The following PHF3 variants were observed in gnomAD, a reference collection of about 807,000 sequenced individuals.
PHF3 encodes PHD finger protein 3.
In PHF3, 41 loss-of-function variants were observed where a neutral mutation model predicts 178.4. That is an observed-to-expected ratio of 0.23 (90% CI 0.18 to 0.30). PHF3 has a LOEUF of 0.30. PHF3 is among the 10% of genes least tolerant of loss of function. The pLI is 1.00. For missense variants in PHF3, 2,346 were observed against 2,398.1 expected, an observed-to-expected ratio of 0.98 and a Z score of 0.45; for synonymous variants, 842 against 800.5, an observed-to-expected ratio of 1.05 and a Z score of -0.88.
intron 3 of PHF3, 129 bp from the exon 4 acceptor site, chr6:63,684,000 T>C (rs940354457): frequency 9.5e-6 from 6 of 631,710 alleles, no homozygotes; most frequent in South Asian, 2.2e-5. Context: ...TTATGAGTAC[T>C]GTTCAATACA....
At position 63,669,903 on chromosome 6, in the gene PHF3, A is replaced by G. The variant is rs191945767; in HGVS notation, c.245-10097A>G. 4.6e-5 allele frequency among the ~76,000 whole-genome samples: 7 copies of G among 152,276 alleles called. No homozygotes were observed. In the East Asian group the frequency reaches 9.6e-4, roughly 21 times the overall value. ...ATTAAGTTATGACCTTTACCTAGGT[A>G]TGTTTATCAGAATTGTGTTTTCCAA... On this transcript the variant is annotated intron_variant, in intron 2 of 15. Transcript: ENST00000262043.
In PHF3 at chr6:63,719,810, T is replaced by C. The variant is rs1436240737; in HGVS notation, c.*6102T>C. 3.3e-5 allele frequency among the ~76,000 whole-genome samples: 5 copies of C among 152,074 alleles called. No individual in the cohort carries two copies. Among genetic ancestry groups the C allele is most frequent in the African/African-American group, 1.2e-4 (5 of 41,434 alleles). On this transcript the variant is annotated 3_prime_UTR_variant, in exon 16 of 16. Transcript: ENST00000262043. ...TACATGGTTTTAAAAAGTCAAATAG[T>C]TCTACAAGGTTCATAAGCAAAAAGC...
chr6:63,665,492 T>TTG lies in PHF3; in HGVS notation c.245-14507_245-14506insGT, dbSNP rs1554150223. On this transcript the variant is annotated intron_variant, in intron 2 of 15. Coordinates refer to ENST00000262043, the MANE Select transcript of PHF3 (RefSeq NM_001370348.2). ...CGCTTTGTGGTTTTTTTTTGTTTTT[T>TTG]TTTTTTTTTTTTGAGACAGAGTCTT... Among the ~76,000 whole-genome samples the TTG allele has an allele frequency of 2.3e-4, 34 of 145,672 alleles. No individual in the cohort carries two copies. In the South Asian group the frequency reaches 3.1e-3, roughly 13 times the overall value.
chr6:63,699,210 T>C (rs929844215), intron 8 of PHF3, among the ~76,000 whole-genome samples: 2 of 152,170 alleles, frequency 1.3e-5, no homozygotes, highest in African/African-American at 4.8e-5. Flanking sequence ...CAGTGTTAGC[T>C]CTCAACACCA....
intron 1 of PHF3, among the ~76,000 whole-genome samples, chr6:63,644,550 G>A (rs1483038995): frequency 6.6e-6 from 1 of 152,080 alleles, no homozygotes; most frequent in Non-Finnish European, 1.5e-5. Flanking sequence ...TCTGTCAGTT[G>A]AGAGAATGCA....
chr6:63,721,284 C>T lies in PHF3; in HGVS notation c.*7576C>T. 1 of 1,551,966 alleles carries T rather than the reference C, an allele frequency of 6.4e-7. No individual in the cohort carries two copies. The highest frequency in any genetic ancestry group is 1.2e-5 in the South Asian group (1 of 84,060). ...TTGGTGGAGGCAAAGATTATTCAAA[C>T]AGGACACAGACTGGTTACATGTATT... On this transcript the variant is annotated 3_prime_UTR_variant, in exon 16 of 16. Coordinates refer to ENST00000262043, the MANE Select transcript of PHF3 (RefSeq NM_001370348.2).
intron 2 of PHF3, among the ~76,000 whole-genome samples, chr6:63,671,283 C>G (rs1326993745): frequency 6.6e-6 from 1 of 152,096 alleles, no homozygotes; most frequent in Admixed American, 6.5e-5. Context: ...TATCATATGC[C>G]AGACTGTTTC....
At chr6:63,700,035 A>G (rs1767405539) in intron 8 of PHF3, among the ~76,000 whole-genome samples, 1 of 152,152 alleles carries the variant, frequency 6.6e-6, no homozygotes, top group Admixed American at 6.5e-5. Context: ...GTACCTCGCT[A>G]TACTATAGAT....
At position 63,712,726 on chromosome 6, in the gene PHF3, G is replaced by A; in HGVS notation, c.5138G>A (p.Ser1713Asn). 1.2e-6 allele frequency: 2 copies of A among 1,613,946 alleles called. No individual in the cohort carries two copies. The highest frequency in any genetic ancestry group is 1.7e-6 in the Non-Finnish European group (2 of 1,179,956). ...SAEKNSCVQQ[S>N]DNLKVAQNSP... is the part of the protein sequence containing the mutation. ...GAGAAAAACTCGTGTGTTCAGCAGA[G>A]TGACAATTTAAAAGTTGCACAAAAC... Residue 1713 changes from serine (S) to asparagine (N), a missense_variant, in exon 16 of 16, where the codon AGT (serine) becomes AAT (asparagine). By Grantham distance (46) the Ser-to-Asn change is conservative. This residue lies in a region of PHF3 where 839 missense variants were observed against 806.9 expected (regional missense o/e 1.04). Transcript: ENST00000262043.
chr6:63,698,745 A>C, intron 8 of PHF3, 140 bp downstream of exon 8: 1 of 569,332 alleles, frequency 1.8e-6, no homozygotes, highest in Non-Finnish European at 2.9e-6. Flanking sequence ...TGTAATTTTA[A>C]TAGTCTTTTT....
Position 63,722,761 on chromosome 6 carries a change from C to G in PHF3, c.*9053C>G, listed in dbSNP as rs1768454826. 1.3e-5 allele frequency among the ~76,000 whole-genome samples: 2 copies of G among 152,078 alleles called. No individual in the cohort carries two copies. Among genetic ancestry groups the G allele is most frequent in the African/African-American group, 2.4e-5 (1 of 41,444 alleles). Reference sequence around the variant, plus strand: ...CTCCAGAGTGCCTATTTCCACACCTCCCTCCTGCAAATGGTGTTCTTTCCT... The same window carrying G: ...CTCCAGAGTGCCTATTTCCACACCTGCCTCCTGCAAATGGTGTTCTTTCCT... On this transcript the variant is annotated 3_prime_UTR_variant, in exon 16 of 16. Transcript: ENST00000262043.
intron 4 of PHF3, 91 bp downstream of exon 4, chr6:63,686,002 AT>A: frequency 1.2e-6 from 1 of 833,098 alleles, no homozygotes; most frequent in Non-Finnish European, 1.9e-6. Flanking sequence ...TTTTAAAGAC[AT>A]TATTTGATAC....
intron 2 of PHF3, among the ~76,000 whole-genome samples, chr6:63,666,870 G>A (rs747131943): frequency 4.0e-5 from 6 of 151,690 alleles, no homozygotes; most frequent in Non-Finnish European, 7.4e-5. Flanking sequence ...TCCTGCCTCA[G>A]CCTCCCAAGT....
intron 1 of PHF3, among the ~76,000 whole-genome samples, chr6:63,640,641 A>G (rs1469203865): frequency 6.6e-6 from 1 of 152,156 alleles, no homozygotes; most frequent in Middle Eastern, 3.2e-3. Flanking sequence ...TGTAGGAGAT[A>G]GCTTAAACAA....
At chr6:63,710,617 C>T (rs1325499396) in intron 14 of PHF3, among the ~76,000 whole-genome samples, 1 of 152,162 alleles carries the variant, frequency 6.6e-6, no homozygotes, top group Non-Finnish European at 1.5e-5. Flanking sequence ...AATTACTTTA[C>T]AAAATTTACG....
In PHF3 at chr6:63,641,320, C is replaced by A. The variant is rs79292859; in HGVS notation, c.-26+5170C>A. 2.0e-5 allele frequency among the ~76,000 whole-genome samples: 3 copies of A among 152,090 alleles called. No individual in the cohort carries two copies. In the South Asian group the frequency reaches 6.2e-4, roughly 32 times the overall value. ...GCCTTCACTTACTATCATACATAGACCAATCCCCCATCACCACCACCATCA... is the reference window on the plus strand; with the variant it reads ...GCCTTCACTTACTATCATACATAGAACAATCCCCCATCACCACCACCATCA... On this transcript the variant is annotated intron_variant, in intron 1 of 15. Transcript: ENST00000262043.
At chr6:63,661,588 C>T (rs1765467025) in intron 2 of PHF3, among the ~76,000 whole-genome samples, 1 of 152,090 alleles carries the variant, frequency 6.6e-6, no homozygotes, top group South Asian at 2.1e-4. Flanking sequence ...AATATATATT[C>T]CAGTATGAGC....
intron 4 of PHF3, 149 bp from the exon 5 acceptor site, chr6:63,691,588 C>A: frequency 1.6e-6 from 1 of 623,112 alleles, no homozygotes; most frequent in Non-Finnish European, 2.8e-6. Context: ...TGAAAACTTG[C>A]TGTATGTTGA....
At chr6:63,663,617 T>C (rs1765559868) in intron 2 of PHF3, among the ~76,000 whole-genome samples, 1 of 152,206 alleles carries the variant, frequency 6.6e-6, no homozygotes, top group African/African-American at 2.4e-5. Context: ...TGTAATTTAC[T>C]GAGTCATCAT....
Sources: allele counts gnomAD v4.1 joint callset (sites outside exome capture counted in the v4.1 genomes callset), GRCh38; gene constraint gnomAD v4.1.1; regional missense constraint gnomAD v4.1.1; transcripts MANE v1.5; gene names NCBI Gene and HGNC (gene_info 2026-07-23, HGNC 2026-07-21).